The following ANKAR variants were observed in gnomAD, a reference collection of about 807,000 sequenced individuals.
ANKAR encodes the protein ankyrin and armadillo repeat containing.
ANKAR carries 136 observed loss-of-function variants against 146.2 expected under a neutral mutation model. The ratio of observed to expected loss-of-function variants is 0.93; its 90% CI spans 0.81 to 1.07. The LOEUF (loss-of-function observed/expected upper bound fraction) is 1.07, where lower values mean the gene tolerates loss of function less well. Ranked by LOEUF, ANKAR falls within the 50% of genes least tolerant of loss-of-function variation. The pLI, the probability that ANKAR is intolerant of heterozygous loss-of-function variation, is 0.00. For missense variants in ANKAR, 1,567 were observed against 1,679.9 expected (o/e 0.93, Z 1.18); for synonymous variants, 500 against 575.8 (o/e 0.87, Z 1.88).
At chr2:189,749,922 G>A (rs2044863564), downstream of ANKAR, among the ~76,000 whole-genome samples, 1 of 152,004 alleles carries the variant, frequency 6.6e-6, no homozygotes, top group Non-Finnish European at 1.5e-5. Context: ...AGGAGTTCAA[G>A]ACCACCCTGG....
At chr2:189,691,785 C>T (rs964363253) in intron 3 of ANKAR, among the ~76,000 whole-genome samples, 2 of 151,390 alleles carry the variant, frequency 1.3e-5, no homozygotes, top group African/African-American at 4.8e-5. Context: ...GTATTTGAGA[C>T]AGGGTGTCAC....
chr2:189,733,798 GTTTTT>G (rs571379187), intron 17 of ANKAR, among the ~76,000 whole-genome samples: 2 of 150,382 alleles, frequency 1.3e-5, no homozygotes, highest in Admixed American at 1.3e-4. Context: ...TCCCTTTTTT[GTTTTT>G]TTTATTTAAT....
At position 189,696,381 on chromosome 2, in the gene ANKAR, T is replaced by C. The variant is rs1041148644; in HGVS notation, c.1708+12T>C. 2 of 1,602,490 alleles carry C rather than the reference T, an allele frequency of 1.2e-6. No homozygotes were observed. The highest frequency in any genetic ancestry group is 1.7e-6 in the Non-Finnish European group (2 of 1,175,172). Reference sequence around the variant, plus strand: ...TACGTTCAGCCAAGGTACCATAAAGTTTTTTAACCTAAAATGTTGTTATTT... The same window carrying C: ...TACGTTCAGCCAAGGTACCATAAAGCTTTTTAACCTAAAATGTTGTTATTT... On this transcript the variant is annotated intron_variant, in intron 7 of 22. Transcript: ENST00000684021.
At chr2:189,687,710 C>G (rs1280370685) in intron 2 of ANKAR, among the ~76,000 whole-genome samples, 1 of 152,134 alleles carries the variant, frequency 6.6e-6, no homozygotes, top group Non-Finnish European at 1.5e-5. Flanking sequence ...CTCTGATGAT[C>G]AGAGATGTTG....
At chr2:189,759,076 C>T (rs946120890) in intron 18 of ANKAR, among the ~76,000 whole-genome samples, 9 of 152,270 alleles carry the variant, frequency 5.9e-5, no homozygotes, top group Middle Eastern at 3.4e-3. Context: ...GACATCATGT[C>T]TCCATAATCA....
chr2:189,692,281 T>C lies in ANKAR; in HGVS notation c.1066T>C (p.Leu356=). 1 of 1,612,268 alleles carries C rather than the reference T, an allele frequency of 6.2e-7. No individual in the cohort carries two copies. ...SDDKVKTERE[L]PPFIYGRDFK... ...TGACAAGGTCAAGACAGAGCGAGAATTGCCTCCATTTATTTATGGAAGAGA... is the reference window on the plus strand; with the variant it reads ...TGACAAGGTCAAGACAGAGCGAGAACTGCCTCCATTTATTTATGGAAGAGA... The change falls in exon 4 of 23, where the codon TTG becomes CTG. Residue 356 remains leucine (L), a synonymous_variant. Coordinates refer to ENST00000684021, the MANE Select transcript of ANKAR (RefSeq NM_001378068.1).
chr2:189,752,970 C>A (rs1444761202), intron 18 of ANKAR: 1 of 1,610,002 alleles, frequency 6.2e-7, no homozygotes, highest in Non-Finnish European at 8.5e-7. Flanking sequence ...GCGACACCAC[C>A]AGATGCAACC....
chr2:189,753,563 AAAAC>A (rs139338633), intron 18 of ANKAR, among the ~76,000 whole-genome samples: 1,582 of 152,306 alleles, frequency 0.01, 34 homozygotes, highest in African/African-American at 0.036. Context: ...GCTTATTAAA[AAAAC>A]AAACAAACAA....
intron 17 of ANKAR, among the ~76,000 whole-genome samples, chr2:189,734,573 G>A (rs1004464308): frequency 6.6e-6 from 1 of 152,100 alleles, no homozygotes; most frequent in African/African-American, 2.4e-5. Context: ...TGCCAGCGAC[G>A]TTTCTCTCAG....
intron 18 of ANKAR, chr2:189,755,425 T>G: frequency 6.2e-7 from 1 of 1,609,640 alleles, no homozygotes; most frequent in Non-Finnish European, 8.5e-7. Flanking sequence ...TTAAAGCAAG[T>G]CCTGGTTTTA....
rs1444398953 is a variant in ANKAR at position 189,692,361 on chromosome 2, A to T, written c.1146A>T (p.Gly382=). 1 of 1,613,136 alleles carries T rather than the reference A, an allele frequency of 6.2e-7. No homozygotes were observed. The highest frequency in any genetic ancestry group is 1.1e-5 in the South Asian group (1 of 90,738). Residue 382 remains glycine (G), a synonymous_variant, in exon 4 of 23, where the codon GGA becomes GGT. Coordinates refer to ENST00000684021, the MANE Select transcript of ANKAR (RefSeq NM_001378068.1). The part of the protein sequence containing the change: ...YKENQYFHVH[G]GIEFDISTPS... ...AGAATCAATATTTTCATGTTCATGG[A>T]GGAATTGAATTTGATATCAGCACCC... is the stretch of plus-strand genomic sequence containing the variant.
At chr2:189,703,667 A>T (rs2038412610) in intron 7 of ANKAR, among the ~76,000 whole-genome samples, 1 of 152,186 alleles carries the variant, frequency 6.6e-6, no homozygotes, top group African/African-American at 2.4e-5. Flanking sequence ...TAAGAAGAGA[A>T]AAAGGCCCAA....
At chr2:189,752,943 G>A (rs939369933) in intron 18 of ANKAR, 16 of 1,612,852 alleles carry the variant, frequency 9.9e-6, no homozygotes, top group African/African-American at 1.3e-5. Context: ...AGAGCTCTGC[G>A]GATATAGAAG....
At chr2:189,733,305 T>G in intron 17 of ANKAR, 76 bp downstream of exon 17, 1 of 1,248,214 alleles carries the variant, frequency 8.0e-7, no homozygotes, top group Non-Finnish European at 1.1e-6. Flanking sequence ...TTATCAAGTC[T>G]TCTTCATGGC....
downstream of ANKAR, among the ~76,000 whole-genome samples, chr2:189,747,568 T>C (rs1006334234): frequency 6.6e-6 from 1 of 152,216 alleles, no homozygotes; most frequent in Admixed American, 6.5e-5. Context: ...GGTAATAGTC[T>C]TTGTGGCTTA....
downstream of ANKAR, chr2:189,761,319 A>T (rs1050717536): frequency 4.6e-5 from 58 of 1,269,250 alleles, no homozygotes; most frequent in Admixed American, 1.5e-4. Flanking sequence ...GCAAAAAGGA[A>T]TAAGACAGTA....
At chr2:189,690,473 C>A (rs528777107) in intron 3 of ANKAR, among the ~76,000 whole-genome samples, 1 of 152,014 alleles carries the variant, frequency 6.6e-6, no homozygotes, top group South Asian at 2.1e-4. Context: ...ACAAATAGAG[C>A]AATGTAAGAG....
downstream of ANKAR, among the ~76,000 whole-genome samples, chr2:189,748,128 C>T (rs188262546): frequency 5.3e-5 from 8 of 152,272 alleles, no homozygotes; most frequent in Non-Finnish European, 1.0e-4. Context: ...TTATTTTCCC[C>T]GATATGTACT....
At chr2:189,762,612 G>A (rs1053703614), downstream of ANKAR, 6 of 985,298 alleles carry the variant, frequency 6.1e-6, no homozygotes, top group African/African-American at 3.5e-5. Context: ...AGGCGGCGAC[G>A]GGCGCAAACT....
Sources: gnomAD v4.1 joint callset for allele counts (sites outside exome capture counted in the v4.1 genomes callset) on GRCh38, gnomAD v4.1.1 for gene constraint, MANE v1.5 for transcripts, NCBI Gene and HGNC (gene_info 2026-07-23, HGNC 2026-07-21) for gene names.